MACROD2: variants seen among roughly 807,000 people sequenced by gnomAD.
The protein encoded by MACROD2 is ADP-ribose glycohydrolase MACROD2.
In MACROD2, 36 loss-of-function variants were observed where a neutral mutation model predicts 70.4. The observed-to-expected ratio is 0.51, with a 90% confidence interval of 0.39 to 0.68. MACROD2 has a LOEUF of 0.68. MACROD2 is among the 30% of genes least tolerant of loss of function. The pLI, the probability that MACROD2 is intolerant of heterozygous loss-of-function variation, is 0.00. For synonymous variants in MACROD2, 172 were observed against 178.8 expected, an observed-to-expected ratio of 0.96 and a Z score of 0.30; for missense variants, 496 against 538.4, an observed-to-expected ratio of 0.92 and a Z score of 0.78.
At chr20:14,612,248 A>C (rs1313667305) in intron 4 of MACROD2, among the ~76,000 whole-genome samples, 1 of 152,154 alleles carries the variant, frequency 6.6e-6, no homozygotes, top group Non-Finnish European at 1.5e-5. Context: ...TTTGATCCCA[A>C]TAATATATAT....
At chr20:14,175,890 A>G (rs924327239) in intron 3 of MACROD2, among the ~76,000 whole-genome samples, 1 of 152,172 alleles carries the variant, frequency 6.6e-6, no homozygotes, top group Non-Finnish European at 1.5e-5. Context: ...GGGTTTTGGC[A>G]TTTGGTGGAT....
chr20:14,784,675 G>A (rs949340331), intron 5 of MACROD2, among the ~76,000 whole-genome samples: 5 of 141,750 alleles, frequency 3.5e-5, no homozygotes, highest in Admixed American at 7.0e-5. Flanking sequence ...AAGTGGGGGG[G>A]GGGGGGCACC....
intron 6 of MACROD2, among the ~76,000 whole-genome samples, chr20:15,236,005 C>T (rs1489535732): frequency 6.6e-6 from 1 of 152,194 alleles, no homozygotes; most frequent in Non-Finnish European, 1.5e-5. Flanking sequence ...TTTCTAACAG[C>T]TGTGTGACTA....
chr20:15,328,520 A>C (rs1201409116), intron 6 of MACROD2, among the ~76,000 whole-genome samples: 4 of 152,152 alleles, frequency 2.6e-5, no homozygotes, highest in Non-Finnish European at 4.4e-5. Flanking sequence ...GTTCTCATTA[A>C]GACACAGACC....
chr20:15,948,053 G>T (rs921649778), intron 12 of MACROD2, among the ~76,000 whole-genome samples: 3 of 152,038 alleles, frequency 2.0e-5, no homozygotes, highest in Non-Finnish European at 4.4e-5. Context: ...ACAGCACTTG[G>T]GTTTTCCTGT....
chr20:14,384,932 T>C (rs1424585514), intron 3 of MACROD2, among the ~76,000 whole-genome samples: 1 of 152,076 alleles, frequency 6.6e-6, no homozygotes, highest in Non-Finnish European at 1.5e-5. Context: ...ACAGTAATTA[T>C]AAATCAGGAA....
At chr20:15,210,368 A>G (rs1387905688) in intron 5 of MACROD2, among the ~76,000 whole-genome samples, 5 of 152,172 alleles carry the variant, frequency 3.3e-5, no homozygotes, top group Non-Finnish European at 1.5e-5. Flanking sequence ...TCATGGAGTT[A>G]ACAGACTCTG....
intron 8 of MACROD2, among the ~76,000 whole-genome samples, chr20:15,555,174 G>A (rs1031834747): frequency 1.3e-5 from 2 of 152,144 alleles, no homozygotes; most frequent in African/African-American, 4.8e-5. Flanking sequence ...AGGCGGCCAG[G>A]GGTGGAAGCT....
chr20:14,565,376 A>T (rs1979727354), intron 4 of MACROD2, among the ~76,000 whole-genome samples: 1 of 151,816 alleles, frequency 6.6e-6, no homozygotes, highest in Admixed American at 6.6e-5. Context: ...TTTAAAACGT[A>T]ACACTTTCAT....
intron 13 of MACROD2, among the ~76,000 whole-genome samples, chr20:15,982,616 AAACT>A (rs1367465748): frequency 2.6e-5 from 4 of 152,126 alleles, no homozygotes; most frequent in African/African-American, 9.7e-5. Context: ...CTACTAGAGT[AAACT>A]GAGTCTAACA....
At chr20:14,541,066 A>G (rs2085425960) in intron 4 of MACROD2, among the ~76,000 whole-genome samples, 2 of 152,328 alleles carry the variant, frequency 1.3e-5, no homozygotes, top group Admixed American at 6.5e-5. Flanking sequence ...ATTGTAAATC[A>G]TATTACATCT....
intron 5 of MACROD2, among the ~76,000 whole-genome samples, chr20:15,175,460 G>T (rs1029628374): frequency 6.6e-6 from 1 of 152,010 alleles, no homozygotes; most frequent in African/African-American, 2.4e-5. Flanking sequence ...AAAAAGATAT[G>T]CATGGCAAAC....
chr20:15,192,329 A>C (rs1727850500), intron 5 of MACROD2, among the ~76,000 whole-genome samples: 1 of 152,212 alleles, frequency 6.6e-6, no homozygotes, highest in Admixed American at 6.5e-5. Context: ...TTACATTTTA[A>C]TTCACAACCT....
intron 3 of MACROD2, among the ~76,000 whole-genome samples, chr20:14,177,796 A>G (rs149569289): frequency 7.7e-4 from 118 of 152,350 alleles, no homozygotes; most frequent in Non-Finnish European, 1.4e-3. Flanking sequence ...TTCTGGAAGA[A>G]CTAGATCACC....
intron 3 of MACROD2, among the ~76,000 whole-genome samples, chr20:14,294,419 T>C (rs1444858517): frequency 1.3e-5 from 2 of 151,496 alleles, no homozygotes; most frequent in Non-Finnish European, 2.9e-5. Flanking sequence ...GCAGTAATCA[T>C]GAGGATAGGC....
At chr20:14,362,721 T>C (rs2083233785) in intron 3 of MACROD2, among the ~76,000 whole-genome samples, 1 of 152,042 alleles carries the variant, frequency 6.6e-6, no homozygotes, top group Non-Finnish European at 1.5e-5. Flanking sequence ...TAACGATAGA[T>C]TGAAGCTTAT....
chr20:14,772,862 A>G (rs988352196), intron 5 of MACROD2, among the ~76,000 whole-genome samples: 3 of 152,040 alleles, frequency 2.0e-5, no homozygotes, highest in African/African-American at 7.3e-5. Flanking sequence ...TAAAAGAAAA[A>G]CTGACTAAAA....
At chr20:14,493,220 G>A (rs1568637974) in intron 3 of MACROD2, among the ~76,000 whole-genome samples, 1 of 151,822 alleles carries the variant, frequency 6.6e-6, no homozygotes, top group Admixed American at 6.6e-5. Context: ...GTCTCAATTT[G>A]TGCTTAATTT....
At chr20:14,197,493 C>A (rs1375441599) in intron 3 of MACROD2, among the ~76,000 whole-genome samples, 1 of 152,208 alleles carries the variant, frequency 6.6e-6, no homozygotes, top group Non-Finnish European at 1.5e-5. Flanking sequence ...AAGAAACTGG[C>A]ATGGTTGCTC....
Sources: gnomAD v4.1 joint callset for allele counts (sites outside exome capture counted in the v4.1 genomes callset) on GRCh38, gnomAD v4.1.1 for gene constraint, MANE v1.5 for transcripts, NCBI Gene and HGNC (gene_info 2026-07-23, HGNC 2026-07-21) for gene names.